ETV1: variants seen among roughly 807,000 people sequenced by gnomAD.
The protein encoded by ETV1 is ETS variant transcription factor 1, also known as ETS translocation variant 1.
Under a neutral mutation model 62.3 loss-of-function variants are expected in ETV1, and 27 were observed. The ratio of observed to expected loss-of-function variants is 0.43; its 90% CI spans 0.32 to 0.60. The LOEUF (loss-of-function observed/expected upper bound fraction) is 0.60, where lower values mean the gene tolerates loss of function less well. Ranked by LOEUF, ETV1 falls within the 20% of genes least tolerant of loss-of-function variation. The probability of loss-of-function intolerance (pLI) is 0.06; values close to 1 mark genes in which losing one functional copy is unlikely to be tolerated. For synonymous variants in ETV1, 222 were observed against 199.6 expected, an observed-to-expected ratio of 1.11 and a Z score of -0.94; for missense variants, 605 against 605.8, an observed-to-expected ratio of 1.00 and a Z score of 0.01.
At chr7:13,912,177 CAGAT>C (rs1783632138) in intron 9 of ETV1, among the ~76,000 whole-genome samples, 1 of 152,150 alleles carries the variant, frequency 6.6e-6, no homozygotes, top group Non-Finnish European at 1.5e-5. Context: ...CAGAGGAAAA[CAGAT>C]AGGCTAAACT....
intron 6 of ETV1, among the ~76,000 whole-genome samples, chr7:13,963,596 T>C (rs1180142820): frequency 6.6e-6 from 1 of 151,646 alleles, no homozygotes; most frequent in Non-Finnish European, 1.5e-5. Flanking sequence ...AGTTTACTGA[T>C]GACTTCTCAT....
chr7:13,909,846 C>A lies in ETV1; in HGVS notation c.872-146G>T, dbSNP rs547194927. On this transcript the variant is annotated intron_variant, in intron 10 of 13. Coordinates refer to ENST00000430479, the MANE Select transcript of ETV1 (RefSeq NM_004956.5). ...CTTGAGCCCTGGACACATTATTTAA[C>A]CTCTGTGCCTCAGTTTCCTCATCTA... is the stretch of plus-strand genomic sequence containing the variant. 3.8e-5 allele frequency: 25 copies of A among 663,418 alleles called. No individual in the cohort carries two copies. In the East Asian group the frequency reaches 6.4e-4, roughly 17 times the overall value. 41.1% of individuals were successfully genotyped at this position (663,418 alleles called of 1,614,324 possible).
At chr7:13,963,936 A>G (rs1790475395) in intron 6 of ETV1, among the ~76,000 whole-genome samples, 3 of 152,178 alleles carry the variant, frequency 2.0e-5, no homozygotes, top group African/African-American at 7.2e-5. Flanking sequence ...AAAACTATGA[A>G]TGAAAATAGA....
intron 13 of ETV1, among the ~76,000 whole-genome samples, chr7:13,896,622 AC>A (rs1461444409): frequency 6.7e-6 from 1 of 149,984 alleles, no homozygotes; most frequent in Non-Finnish European, 1.5e-5. Flanking sequence ...TGGATTCTTT[AC>A]TTTTTTTCTT....
chr7:13,942,716 C>T (rs368507162), intron 6 of ETV1, among the ~76,000 whole-genome samples: 4 of 151,898 alleles, frequency 2.6e-5, no homozygotes, highest in Non-Finnish European at 5.9e-5. Flanking sequence ...AAAGGAGCAG[C>T]GACATATAAG....
At chr7:13,983,558 C>G (rs542454548) in intron 5 of ETV1, among the ~76,000 whole-genome samples, 12 of 150,374 alleles carry the variant, frequency 8.0e-5, no homozygotes, top group African/African-American at 2.9e-4. Flanking sequence ...TAAAGAATTG[C>G]ACATAGTAAA....
intron 12 of ETV1, among the ~76,000 whole-genome samples, chr7:13,902,181 T>G (rs557148135): frequency 1.3e-5 from 2 of 152,278 alleles, no homozygotes; most frequent in Admixed American, 1.3e-4. Context: ...AATTCCAAGT[T>G]GTTGCTATGT....
At chr7:13,953,785 T>C (rs1789098326) in intron 6 of ETV1, among the ~76,000 whole-genome samples, 1 of 152,138 alleles carries the variant, frequency 6.6e-6, no homozygotes, top group South Asian at 2.1e-4. Flanking sequence ...AGGCAATCTG[T>C]ATAGATCTCT....
At chr7:13,986,778 A>C in intron 4 of ETV1, 93 bp from the exon 5 acceptor site, 1 of 968,686 alleles carries the variant, frequency 1.0e-6, no homozygotes, top group Non-Finnish European at 1.5e-6. Context: ...TATTAAATAT[A>C]AATTTAATTT....
chr7:13,954,746 T>C (rs1227232567), intron 6 of ETV1, among the ~76,000 whole-genome samples: 1 of 152,188 alleles, frequency 6.6e-6, no homozygotes, highest in Non-Finnish European at 1.5e-5. Flanking sequence ...ACCTGCAGCA[T>C]TCTGATGTCA....
chr7:13,964,264 C>T (rs917823715), intron 6 of ETV1, among the ~76,000 whole-genome samples: 1 of 152,178 alleles, frequency 6.6e-6, no homozygotes, highest in Non-Finnish European at 1.5e-5. Context: ...GAGAGGTTTG[C>T]TTCAATACTA....
In ETV1 at chr7:13,891,916, AATG is replaced by A. The variant is rs1482065516; in HGVS notation, c.*3947_*3949del. The A allele has an allele frequency of 4.3e-6, 1 of 231,608 alleles. No homozygotes were observed. The highest frequency in any genetic ancestry group is 2.2e-5 in the African/African-American group (1 of 45,282). The allele number at this position is 231,608 out of a possible 1,614,324, so 14.3% of individuals were successfully genotyped here. The stretch of plus-strand genomic sequence containing the variant: ...TAGGATTCCAAGTAACAAACATCCA[AATG>A]ACCTTCTCCTCTGTAATGTTTTCTC... On this transcript the variant is annotated 3_prime_UTR_variant, in exon 14 of 14. Coordinates refer to ENST00000430479, the MANE Select transcript of ETV1 (RefSeq NM_004956.5).
chr7:13,927,304 C>G (rs1785542357), intron 9 of ETV1, among the ~76,000 whole-genome samples: 1 of 151,982 alleles, frequency 6.6e-6, no homozygotes, highest in African/African-American at 2.4e-5. Context: ...ATAGAAAAAT[C>G]AGCTGGACAT....
At chr7:13,983,144 C>T (rs1427626444) in intron 5 of ETV1, among the ~76,000 whole-genome samples, 1 of 151,934 alleles carries the variant, frequency 6.6e-6, no homozygotes, top group Non-Finnish European at 1.5e-5. Flanking sequence ...TGACTCAATA[C>T]AAAACCACTG....
chr7:13,925,444 C>G (rs561246392), intron 9 of ETV1, among the ~76,000 whole-genome samples: 13 of 152,298 alleles, frequency 8.5e-5, no homozygotes, highest in African/African-American at 2.6e-4. Flanking sequence ...GTACTAGACA[C>G]AAACCAATAG....
chr7:13,965,520 G>C (rs1226129854), intron 6 of ETV1, among the ~76,000 whole-genome samples: 1 of 152,084 alleles, frequency 6.6e-6, no homozygotes, highest in Admixed American at 6.5e-5. Flanking sequence ...GGCTATCAGG[G>C]AGGGAAGATC....
intron 11 of ETV1, 92 bp from the exon 12 acceptor site, chr7:13,906,691 C>T (rs17167633): frequency 0.13 from 113,429 of 844,334 alleles, 7,382 homozygotes; most frequent in East Asian, 0.21. Context: ...TATGGTTAAA[C>T]CACAATCAAC....
chr7:13,984,881 G>T (rs1782385401), intron 5 of ETV1, among the ~76,000 whole-genome samples: 1 of 150,606 alleles, frequency 6.6e-6, no homozygotes, highest in Admixed American at 6.6e-5. Context: ...ATAAATTATT[G>T]CAATCACTTA....
In ETV1 at chr7:13,935,834, G is replaced by A. The variant is rs80157564; in HGVS notation, c.428C>T (p.Thr143Met). 40 of 1,613,900 alleles carry A rather than the reference G, an allele frequency of 2.5e-5. No homozygotes were observed. In the East Asian group the frequency reaches 7.1e-4, roughly 29 times the overall value. ...RPSNPPTPSSTPVSPLHHASP... is the reference protein window; with the variant it reads ...RPSNPPTPSSMPVSPLHHASP... ...TGCATGATGCAGTGGGGACACTGGC[G>A]TGCTGGATGGTGTGGGGGGGTTGGA... Residue 143 changes from threonine to methionine, a missense_variant, in exon 8 of 14, where the codon ACG becomes ATG. Coordinates refer to ENST00000430479, the MANE Select transcript of ETV1 (RefSeq NM_004956.5).
Sources: gnomAD v4.1 joint callset for allele counts (sites outside exome capture counted in the v4.1 genomes callset) on GRCh38, gnomAD v4.1.1 for gene constraint, MANE v1.5 for transcripts, NCBI Gene and HGNC (gene_info 2026-07-23, HGNC 2026-07-21) for gene names.